The following ITGBL1 variants were observed in gnomAD, a reference collection of about 807,000 sequenced individuals.
The protein encoded by ITGBL1 is integrin subunit beta like 1, also known as integrin beta-like protein 1.
A neutral mutation model predicts 68.5 loss-of-function variants in ITGBL1; 51 were observed. The observed-to-expected ratio is 0.74, with a 90% CI of 0.59 to 0.94. The LOEUF (loss-of-function observed/expected upper bound fraction) is 0.94, where lower values mean the gene tolerates loss of function less well. Ranked by LOEUF, ITGBL1 falls within the 40% of genes least tolerant of loss-of-function variation. ITGBL1 has a pLI of 0.00. For synonymous variants in ITGBL1, 209 were observed against 227.3 expected, an observed-to-expected ratio of 0.92 and a Z score of 0.72; for missense variants, 649 against 647.4, an observed-to-expected ratio of 1.00 and a Z score of -0.03.
intron 1 of ITGBL1, 57 bp downstream of exon 1, chr13:101,452,988 C>CTGTACTG: frequency 7.0e-7 from 1 of 1,419,026 alleles, no homozygotes; most frequent in South Asian, 1.2e-5. Context: ...TGGCAGGGCT[C>CTGTACTG]AAGCTTGCAG....
chr13:101,556,792 G>A (rs1045099708), intron 2 of ITGBL1, among the ~76,000 whole-genome samples: 1 of 152,170 alleles, frequency 6.6e-6, no homozygotes, highest in African/African-American at 2.4e-5. Flanking sequence ...AGGCAATGAA[G>A]GATTCTACTC....
rs1254255643 is a variant in ITGBL1, at chr13:101,453,953, C to T, written c.169C>T (p.Pro57Ser). 7.4e-6 allele frequency: 11 copies of T among 1,488,234 alleles called. No homozygotes were observed. The South Asian group carries it at 1.2e-4, about 16-fold the overall frequency. The allele number at this position is 1,488,234 out of a possible 1,614,324, so 92.2% of individuals were successfully genotyped here. Residue 57 changes from proline (P) to serine (S), a missense_variant, in exon 2 of 11, where the codon CCC becomes TCC. Pro to Ser is a moderately conservative substitution (Grantham distance 74). Coordinates refer to ENST00000376180, the MANE Select transcript of ITGBL1 (RefSeq NM_004791.3). ...GCGACGCTGCCGCGCACCTGGGCAG[C>T]CCCCGGGGGCCGCGCTGTGCCACGG... The part of the protein sequence containing the change: ...SERRCRAPGQ[P>S]PGAALCHGRG...
intron 3 of ITGBL1, among the ~76,000 whole-genome samples, chr13:101,569,124 G>A (rs956671505): frequency 4.9e-5 from 7 of 144,228 alleles, no homozygotes; most frequent in South Asian, 2.3e-4. Flanking sequence ...ACACACACGC[G>A]CACGCGCGCG....
chr13:101,653,901 A>G (rs9557720), intron 7 of ITGBL1, among the ~76,000 whole-genome samples: 15,052 of 137,044 alleles, frequency 0.11, 910 homozygotes, highest in Middle Eastern at 0.27. Flanking sequence ...TAGTAGAGAC[A>G]GGGTTTCACC....
intron 2 of ITGBL1, among the ~76,000 whole-genome samples, chr13:101,477,661 T>G (rs912156954): frequency 6.6e-6 from 1 of 151,904 alleles, no homozygotes; most frequent in African/African-American, 2.4e-5. Flanking sequence ...CTACAGAAAT[T>G]CAAAGGATCA....
At chr13:101,595,468 G>A (rs905665303) in intron 6 of ITGBL1, among the ~76,000 whole-genome samples, 2 of 151,786 alleles carry the variant, frequency 1.3e-5, no homozygotes, top group African/African-American at 4.8e-5. Context: ...GAGGACAAAC[G>A]TTGAAACTAT....
chr13:101,516,936 G>T (rs913008310), intron 2 of ITGBL1, among the ~76,000 whole-genome samples: 1 of 152,152 alleles, frequency 6.6e-6, no homozygotes, highest in Non-Finnish European at 1.5e-5. Flanking sequence ...TAGCTTGTGT[G>T]AAATCAAATT....
intron 8 of ITGBL1, among the ~76,000 whole-genome samples, chr13:101,706,077 T>A (rs1409983995): frequency 3.9e-5 from 6 of 152,120 alleles, no homozygotes; most frequent in Non-Finnish European, 7.3e-5. Context: ...CAGGTGTACA[T>A]CCTGGTATAT....
At chr13:101,665,449 CTA>C (rs1452908882) in intron 7 of ITGBL1, among the ~76,000 whole-genome samples, 1 of 151,836 alleles carries the variant, frequency 6.6e-6, no homozygotes, top group African/African-American at 2.4e-5. Context: ...AAAAATATAA[CTA>C]TTTTTAAAAT....
In ITGBL1 at chr13:101,715,704, C is replaced by T. The variant is rs1366859898; in HGVS notation, c.*50C>T. ...TCTTATTTTTTCTGGGCCATTAGAA[C>T]AGATAAATGCGAAGGAAACCATGTA... On this transcript the variant is annotated 3_prime_UTR_variant, in exon 11 of 11. Transcript: ENST00000376180. 1 of 1,238,576 alleles carries T rather than the reference C, an allele frequency of 8.1e-7. No individual in the cohort carries two copies. The highest frequency in any genetic ancestry group is 2.3e-5 in the East Asian group (1 of 43,178). 76.7% of individuals were successfully genotyped at this position (1,238,576 alleles called of 1,614,324 possible). A position where few individuals can be genotyped will look rare whatever the true frequency, so the allele number is the denominator to read the frequency against.
chr13:101,646,041 C>T (rs1056761554), intron 7 of ITGBL1, among the ~76,000 whole-genome samples: 1 of 152,068 alleles, frequency 6.6e-6, no homozygotes, highest in Non-Finnish European at 1.5e-5. Flanking sequence ...TGATTAATGC[C>T]AAAGAGTGAG....
intron 7 of ITGBL1, among the ~76,000 whole-genome samples, chr13:101,633,045 C>T (rs1035698414): frequency 2.6e-5 from 4 of 152,126 alleles, no homozygotes; most frequent in Non-Finnish European, 5.9e-5. Flanking sequence ...CACTGCTGGT[C>T]CAGGATAGAT....
At chr13:101,572,646 C>A (rs2050291785) in intron 3 of ITGBL1, among the ~76,000 whole-genome samples, 1 of 152,016 alleles carries the variant, frequency 6.6e-6, no homozygotes, top group Non-Finnish European at 1.5e-5. Flanking sequence ...TATGCCATGT[C>A]TTGGAGGCTC....
At chr13:101,601,688 T>A (rs534612030) in intron 7 of ITGBL1, among the ~76,000 whole-genome samples, 1 of 152,244 alleles carries the variant, frequency 6.6e-6, no homozygotes, top group Non-Finnish European at 1.5e-5. Flanking sequence ...TTCATTTCGT[T>A]ATGTACCCAG....
intron 2 of ITGBL1, among the ~76,000 whole-genome samples, chr13:101,490,516 G>A (rs2048761222): frequency 2.0e-5 from 3 of 152,184 alleles, no homozygotes; most frequent in African/African-American, 7.2e-5. Context: ...ACTACTAACA[G>A]GGCTGTGAGT....
chr13:101,637,720 G>A (rs1329806023), intron 7 of ITGBL1, among the ~76,000 whole-genome samples: 1 of 152,088 alleles, frequency 6.6e-6, no homozygotes, highest in Non-Finnish European at 1.5e-5. Context: ...ATCACTCTAA[G>A]CCAACTCTCT....
chr13:101,463,535 A>T (rs2048344212), intron 2 of ITGBL1, among the ~76,000 whole-genome samples: 1 of 152,120 alleles, frequency 6.6e-6, no homozygotes. Context: ...AGAACTGTAT[A>T]ATTAGTCCTT....
intron 2 of ITGBL1, among the ~76,000 whole-genome samples, chr13:101,557,378 C>T (rs1163526995): frequency 1.3e-5 from 2 of 152,172 alleles, no homozygotes; most frequent in Admixed American, 6.5e-5. Flanking sequence ...TACATAGACA[C>T]ACATATATGC....
At chr13:101,703,615 G>C (rs2034186133) in intron 8 of ITGBL1, among the ~76,000 whole-genome samples, 1 of 152,206 alleles carries the variant, frequency 6.6e-6, no homozygotes, top group Non-Finnish European at 1.5e-5. Flanking sequence ...TGATGGTGAT[G>C]TAAGTGGGAA....
Sources: allele counts gnomAD v4.1 joint callset (sites outside exome capture counted in the v4.1 genomes callset), GRCh38; gene constraint gnomAD v4.1.1; transcripts MANE v1.5; gene names NCBI Gene and HGNC (gene_info 2026-07-23, HGNC 2026-07-21).